CNTN5: variants seen among roughly 807,000 people sequenced by gnomAD.
CNTN5 encodes contactin 5.
A neutral mutation model predicts 129.1 loss-of-function variants in CNTN5; 77 were observed. That is an observed-to-expected ratio of 0.60 (90% CI 0.50 to 0.72). CNTN5 has a LOEUF of 0.72. Among genes scored for constraint, CNTN5 ranks in the 30% least tolerant of loss-of-function variants. CNTN5 has a pLI of 0.00. For missense variants in CNTN5, 1,478 were observed against 1,328.8 expected, an observed-to-expected ratio of 1.11 and a Z score of -1.75; for synonymous variants, 509 against 465.6, an observed-to-expected ratio of 1.09 and a Z score of -1.20.
intron 1 of CNTN5, among the ~76,000 whole-genome samples, chr11:99,161,987 C>A (rs1860632427): frequency 6.6e-6 from 1 of 152,156 alleles, no homozygotes; most frequent in African/African-American, 2.4e-5. Flanking sequence ...ATTAATCCCT[C>A]TTTGTGCTTA....
At chr11:99,139,147 G>GT (rs1859390693) in intron 1 of CNTN5, among the ~76,000 whole-genome samples, 1 of 136,428 alleles carries the variant, frequency 7.3e-6, no homozygotes, top group African/African-American at 2.7e-5. Flanking sequence ...CATTCCTGCG[G>GT]TCCCAGCTAC....
At chr11:100,000,900 T>G (rs575413007) in intron 8 of CNTN5, among the ~76,000 whole-genome samples, 1 of 152,246 alleles carries the variant, frequency 6.6e-6, no homozygotes, top group Non-Finnish European at 1.5e-5. Flanking sequence ...TGACCCCTTT[T>G]AGCCATGGCT....
At chr11:100,291,031 A>C (rs1460441482) in intron 18 of CNTN5, among the ~76,000 whole-genome samples, 3 of 149,696 alleles carry the variant, frequency 2.0e-5, no homozygotes, top group African/African-American at 7.3e-5. Context: ...TGGCCATCAG[A>C]GAAATGCAAA....
chr11:99,676,886 C>T (rs1489371796), intron 3 of CNTN5, among the ~76,000 whole-genome samples: 1 of 152,108 alleles, frequency 6.6e-6, no homozygotes, highest in African/African-American at 2.4e-5. Context: ...GCCCTCGGAT[C>T]TTCTTGTATG....
intron 21 of CNTN5, among the ~76,000 whole-genome samples, chr11:100,317,821 TAAAA>T (rs987398624): frequency 5.9e-5 from 9 of 152,246 alleles, no homozygotes; most frequent in African/African-American, 2.2e-4. Flanking sequence ...AAAACAACTT[TAAAA>T]TTTTCTTTTC....
intron 13 of CNTN5, among the ~76,000 whole-genome samples, chr11:100,121,391 A>G (rs889690139): frequency 1.2e-4 from 18 of 152,002 alleles, no homozygotes; most frequent in Admixed American, 1.2e-3. Flanking sequence ...ATGAAAACTC[A>G]AGAAAGGAAA....
intron 19 of CNTN5, among the ~76,000 whole-genome samples, chr11:100,298,912 A>T (rs962054624): frequency 7.3e-5 from 11 of 151,292 alleles, no homozygotes; most frequent in Non-Finnish European, 1.6e-4. Context: ...TTTCACTTCA[A>T]AAGTTTTCAA....
chr11:100,352,744 T>G (rs546523255), intron 24 of CNTN5, among the ~76,000 whole-genome samples: 25 of 151,910 alleles, frequency 1.6e-4, no homozygotes, highest in African/African-American at 6.0e-4. Flanking sequence ...AAAGTATAGT[T>G]TTAACAACAA....
intron 15 of CNTN5, among the ~76,000 whole-genome samples, chr11:100,203,523 C>G (rs1948833843): frequency 6.6e-6 from 1 of 152,052 alleles, no homozygotes; most frequent in African/African-American, 2.4e-5. Context: ...TTTTGGCCAC[C>G]AAAATCCAGT....
rs117317606 is a variant in CNTN5, at chr11:99,390,160, C to T, written c.-71+64676C>T. 2.5e-4 allele frequency among the ~76,000 whole-genome samples: 38 copies of T among 151,908 alleles called. No homozygotes were observed. The East Asian group carries it at 7.2e-3, about 29-fold the overall frequency. On this transcript the variant is annotated intron_variant, in intron 2 of 24. Coordinates refer to ENST00000524871, the MANE Select transcript of CNTN5 (RefSeq NM_014361.4). ...TTTTTTTGTCAGGGTCTCTGTTGCC[C>T]AGGTTCGAGAACAGTGGCACAATCA...
intron 17 of CNTN5, among the ~76,000 whole-genome samples, chr11:100,257,331 C>T (rs1032680238): frequency 1.3e-5 from 2 of 152,124 alleles, no homozygotes; most frequent in African/African-American, 2.4e-5. Flanking sequence ...GACAGAGCAC[C>T]AGGGGGAAGG....
intron 13 of CNTN5, among the ~76,000 whole-genome samples, chr11:100,165,820 C>T (rs948791536): frequency 6.6e-6 from 1 of 151,690 alleles, no homozygotes; most frequent in African/African-American, 2.4e-5. Flanking sequence ...ATTTTGTTAA[C>T]CCCTAAAGCA....
intron 1 of CNTN5, among the ~76,000 whole-genome samples, chr11:99,063,310 A>C (rs1688178597): frequency 6.6e-6 from 1 of 152,122 alleles, no homozygotes; most frequent in African/African-American, 2.4e-5. Flanking sequence ...ATGTAAAGCC[A>C]GGTGGATTCC....
At chr11:100,336,947 A>G in intron 21 of CNTN5, 1 of 687,310 alleles carries the variant, frequency 1.5e-6, no homozygotes, top group South Asian at 1.6e-5. Flanking sequence ...GATCGCGGGC[A>G]CCTTCTTAGG....
chr11:99,557,742 A>C (rs1948719370), intron 3 of CNTN5, among the ~76,000 whole-genome samples: 2 of 148,108 alleles, frequency 1.4e-5, no homozygotes, highest in Non-Finnish European at 3.0e-5. Context: ...GCAATCCTCA[A>C]CTTATCAGAT....
chr11:99,524,587 A>C (rs1947414461), intron 2 of CNTN5, among the ~76,000 whole-genome samples: 1 of 152,018 alleles, frequency 6.6e-6, no homozygotes, highest in Non-Finnish European at 1.5e-5. Context: ...TGAGGCAGGC[A>C]GATTACTTGA....
intron 17 of CNTN5, among the ~76,000 whole-genome samples, chr11:100,258,286 T>C (rs1326267278): frequency 6.6e-6 from 1 of 152,106 alleles, no homozygotes; most frequent in Non-Finnish European, 1.5e-5. Context: ...TATGGCACTA[T>C]GTGAAAAGAC....
intron 13 of CNTN5, among the ~76,000 whole-genome samples, chr11:100,084,821 C>G (rs1944488088): frequency 6.6e-6 from 1 of 152,036 alleles, no homozygotes. Flanking sequence ...TTTCCAGTTG[C>G]AAATGGTAGC....
At chr11:99,413,419 G>A (rs1286558940) in intron 2 of CNTN5, among the ~76,000 whole-genome samples, 2 of 152,146 alleles carry the variant, frequency 1.3e-5, no homozygotes, top group Non-Finnish European at 2.9e-5. Flanking sequence ...AGGGGTTTGA[G>A]ACCAGCCTAG....
Sources: gnomAD v4.1 joint callset for allele counts (sites outside exome capture counted in the v4.1 genomes callset) on GRCh38, gnomAD v4.1.1 for gene constraint, MANE v1.5 for transcripts, NCBI Gene and HGNC (gene_info 2026-07-23, HGNC 2026-07-21) for gene names.